Variants in LUC7L2 observed in about 807,000 individuals in gnomAD.
LUC7L2 encodes putative RNA-binding protein Luc7-like 2.
LUC7L2 carries 25 observed loss-of-function variants against 52.8 expected under a neutral mutation model. The ratio of observed to expected loss-of-function variants is 0.47; its 90% CI spans 0.34 to 0.66. The LOEUF is 0.66. LUC7L2 is among the 30% of genes least tolerant of loss of function. LUC7L2 has a pLI of 0.01. For missense variants in LUC7L2, 328 were observed against 497.8 expected (o/e 0.66, Z 3.25); for synonymous variants, 144 against 160.9 (o/e 0.89, Z 0.80).
intron 2 of LUC7L2, among the ~76,000 whole-genome samples, chr7:139,391,159 A>G: frequency 6.6e-6 from 1 of 152,236 alleles, no homozygotes; most frequent in East Asian, 1.9e-4. Flanking sequence ...ATATATTCAT[A>G]GTCTTTGTTT....
In LUC7L2 at chr7:139,381,303, T is replaced by C. The variant is rs531676630; in HGVS notation, c.156+5147T>C. On this transcript the variant is annotated intron_variant, in intron 2 of 9. Coordinates refer to ENST00000354926, the MANE Select transcript of LUC7L2 (RefSeq NM_016019.5). ...ACATCCTTGGAGGCAGCTCATGCAC[T>C]AAGGATTTAGGAGTAGGCTAGTTCG... Among the ~76,000 whole-genome samples the C allele has an allele frequency of 2.6e-5, 4 of 152,164 alleles. No homozygotes were observed. The East Asian group carries it at 7.7e-4, about 29-fold the overall frequency.
chr7:139,376,411 A>C (rs1306975975), intron 2 of LUC7L2, among the ~76,000 whole-genome samples: 1 of 152,200 alleles, frequency 6.6e-6, no homozygotes, highest in Non-Finnish European at 1.5e-5. Context: ...TGGAATACAG[A>C]AGTAGTTATA....
At chr7:139,351,852 G>T (rs10273527) in intron 1 of LUC7L2, among the ~76,000 whole-genome samples, 60,722 of 152,074 alleles carry the variant, frequency 0.4, 16,366 homozygotes, top group African/African-American at 0.76. Context: ...CAACAAGGAT[G>T]TATGAATGCC....
At chr7:139,381,187 A>C (rs1420648967) in intron 2 of LUC7L2, among the ~76,000 whole-genome samples, 1 of 152,074 alleles carries the variant, frequency 6.6e-6, no homozygotes, top group African/African-American at 2.4e-5. Context: ...ACCATTTAGG[A>C]ATCTTAAATC....
chr7:139,350,368 G>T (rs988020303), intron 1 of LUC7L2, among the ~76,000 whole-genome samples: 10 of 152,012 alleles, frequency 6.6e-5, no homozygotes, highest in African/African-American at 2.2e-4. Context: ...TGATCCACCC[G>T]CCTCGACCTC....
intron 1 of LUC7L2, among the ~76,000 whole-genome samples, chr7:139,343,926 CAAAA>C (rs1163028006): frequency 9.5e-6 from 1 of 104,888 alleles, no homozygotes; most frequent in Admixed American, 1.1e-4. Flanking sequence ...ACCCTGTCCC[CAAAA>C]AAAAAAAAAA....
chr7:139,345,571 T>C (rs1799232673), intron 1 of LUC7L2: 2 of 1,614,180 alleles, frequency 1.2e-6, no homozygotes, highest in Non-Finnish European at 1.7e-6. Flanking sequence ...CTCTGCCTCC[T>C]GCGTAGCATC....
intron 5 of LUC7L2, among the ~76,000 whole-genome samples, 168 bp from the exon 6 acceptor site, chr7:139,407,001 GTTTTT>G (rs58914782): frequency 2.6e-4 from 29 of 110,470 alleles, no homozygotes; most frequent in East Asian, 5.6e-4. Context: ...TGCTTTTGTG[GTTTTT>G]TTTTTTTTTT....
At position 139,422,362 on chromosome 7, in the gene LUC7L2, G is replaced by A. The variant is rs1795944240; in HGVS notation, c.*22G>A. ...CTAACTAGCTGTGTACATTTCTTCA[G>A]TCCTTAAGCTTCCTACGGAGTTACG... is the stretch of plus-strand genomic sequence containing the variant. On this transcript the variant is annotated 3_prime_UTR_variant, in exon 10 of 10. Coordinates refer to ENST00000354926, the MANE Select transcript of LUC7L2 (RefSeq NM_016019.5). The A allele has an allele frequency of 3.1e-6, 5 of 1,591,782 alleles. No homozygotes were observed. Among genetic ancestry groups the A allele is most frequent in the Admixed American group, 1.8e-5 (1 of 54,722 alleles).
upstream of LUC7L2, chr7:139,359,823 G>A (rs903047694): frequency 2.7e-5 from 11 of 403,422 alleles, no homozygotes; most frequent in African/African-American, 6.2e-5. Flanking sequence ...GGCGGGGCGG[G>A]CGGAGTGATA....
chr7:139,373,375 A>G (rs1284347935), intron 1 of LUC7L2, among the ~76,000 whole-genome samples: 1 of 152,220 alleles, frequency 6.6e-6, no homozygotes, highest in African/African-American at 2.4e-5. Flanking sequence ...ATCTCAAATT[A>G]TTAAGCGTTT....
intron 1 of LUC7L2, among the ~76,000 whole-genome samples, chr7:139,349,359 G>A (rs1416369834): frequency 3.3e-5 from 5 of 152,118 alleles, no homozygotes. Flanking sequence ...AATTTACTCA[G>A]GCCATTTCTG....
chr7:139,359,978 G>A lies in LUC7L2; in HGVS notation c.-284G>A, dbSNP rs1799777554. ...CTTCTGGCGGGTGGCGGTGTTGAAG[G>A]CGAGAGCTTGCTTGGCCCGTGTCGC... On this transcript the variant is annotated 5_prime_UTR_variant, in exon 1 of 10. Transcript: ENST00000354926. The A allele has an allele frequency of 2.3e-6, 1 of 431,322 alleles. No homozygotes were observed. Among genetic ancestry groups the A allele is most frequent in the Non-Finnish European group, 4.1e-6 (1 of 243,414 alleles). The allele number at this position is 431,322 out of a possible 1,614,324, so 26.7% of individuals were successfully genotyped here.
intron 4 of LUC7L2, among the ~76,000 whole-genome samples, chr7:139,405,124 G>A (rs1389156570): frequency 6.6e-6 from 1 of 152,214 alleles, no homozygotes; most frequent in Non-Finnish European, 1.5e-5. Flanking sequence ...ATGTGTTTAA[G>A]TGGGGCTGGG....
At chr7:139,386,971 C>G (rs1794230197) in intron 2 of LUC7L2, among the ~76,000 whole-genome samples, 1 of 151,722 alleles carries the variant, frequency 6.6e-6, no homozygotes, top group African/African-American at 2.4e-5. Context: ...TTTCAAGTAG[C>G]TGGATTACAG....
chr7:139,377,825 CTTTTTTTT>C (rs11346680), intron 2 of LUC7L2, among the ~76,000 whole-genome samples: 4 of 98,328 alleles, frequency 4.1e-5, no homozygotes, highest in Non-Finnish European at 5.7e-5. Flanking sequence ...CCGCGCCTGG[CTTTTTTTT>C]TTTTTTTTTT....
At chr7:139,410,989 G>A (rs1211573831) in intron 7 of LUC7L2, among the ~76,000 whole-genome samples, 3 of 152,136 alleles carry the variant, frequency 2.0e-5, no homozygotes, top group African/African-American at 7.2e-5. Context: ...TTACCTCAGA[G>A]CTTTTATCTA....
chr7:139,415,086 A>AT, intron 8 of LUC7L2, among the ~76,000 whole-genome samples: 1 of 64,726 alleles, frequency 1.5e-5, no homozygotes, highest in East Asian at 4.9e-4. Context: ...TTTTTTTTGT[A>AT]TTTTTAGTAG....
In LUC7L2 at chr7:139,405,769, A is replaced by G. The variant is rs74758604; in HGVS notation, c.492A>G (p.Ala164=). The change falls in exon 5 of 10, where the codon GCA becomes GCG. Residue 164 remains alanine (A), a synonymous_variant. Coordinates refer to ENST00000354926, the MANE Select transcript of LUC7L2 (RefSeq NM_016019.5). ...TGGATGAAGTAGAGAAAGCACGGGCAAAGAAAAGAGAAGCAGAGGTAAATT... is the reference window on the plus strand; with the variant it reads ...TGGATGAAGTAGAGAAAGCACGGGCGAAGAAAAGAGAAGCAGAGGTAAATT... ...KVMDEVEKAR[A]KKREAEEVYR... 3,757 of 1,606,812 alleles carry G rather than the reference A, an allele frequency of 2.3e-3. 84 individuals are homozygous for G. In the African/African-American group the frequency reaches 0.044, roughly 19 times the overall value.
Sources: allele counts gnomAD v4.1 joint callset (sites outside exome capture counted in the v4.1 genomes callset), GRCh38; gene constraint gnomAD v4.1.1; transcripts MANE v1.5; gene names NCBI Gene and HGNC (gene_info 2026-07-23, HGNC 2026-07-21).